KLHL25: variants seen among roughly 807,000 people sequenced by gnomAD.
The protein encoded by KLHL25 is kelch like family member 25, also known as kelch-like protein 25.
In KLHL25, 41 loss-of-function variants were observed where a neutral mutation model predicts 30.0. The observed-to-expected ratio is 1.37, with a 90% confidence interval of 1.07 to 1.78. KLHL25 has a LOEUF of 1.78. Ranked by LOEUF, KLHL25 falls within the 40% of genes most tolerant of loss-of-function variation. The probability of loss-of-function intolerance (pLI) is 0.00; values close to 1 mark genes in which losing one functional copy is unlikely to be tolerated. For synonymous variants in KLHL25, 399 were observed against 355.3 expected, an observed-to-expected ratio of 1.12 and a Z score of -1.38; for missense variants, 971 against 824.5, an observed-to-expected ratio of 1.18 and a Z score of -2.18.
At chr15:85,788,671 C>G (rs531810284) in intron 1 of KLHL25, among the ~76,000 whole-genome samples, 1 of 152,208 alleles carries the variant, frequency 6.6e-6, no homozygotes, top group Non-Finnish European at 1.5e-5. Flanking sequence ...CCACATCAGA[C>G]GCTGAGCTCC....
At chr15:85,784,004 T>C (rs944032928) in intron 1 of KLHL25, among the ~76,000 whole-genome samples, 2 of 152,116 alleles carry the variant, frequency 1.3e-5, no homozygotes, top group African/African-American at 4.8e-5. Context: ...ACGTAAAGAG[T>C]GTAGCATGGT....
In KLHL25 at chr15:85,768,836, G is replaced by A. The variant is rs754809991; in HGVS notation, c.975C>T (p.Asp325=). 2 of 1,613,392 alleles carry A rather than the reference G, an allele frequency of 1.2e-6. No individual in the cohort carries two copies. The highest frequency in any genetic ancestry group is 1.7e-5 in the Admixed American group (1 of 60,038). Residue 325 remains aspartate, a synonymous_variant, in exon 2 of 3, where the codon GAC becomes GAT. Coordinates refer to ENST00000337975, the MANE Select transcript of KLHL25 (RefSeq NM_022480.4). ...HKAKEIIPKA[D]LPSPRKEFSA... ...TGAACTCCTTCCGGGGGCTGGGCAG[G>A]TCGGCCTTGGGGATGATCTCCTTGG...
intron 1 of KLHL25, among the ~76,000 whole-genome samples, chr15:85,790,826 AAG>A (rs1487490605): frequency 6.6e-6 from 1 of 152,154 alleles, no homozygotes; most frequent in African/African-American, 2.4e-5. Context: ...TATGACCAGG[AAG>A]ATTTTTATGT....
chr15:85,784,882 A>G (rs762176557), intron 1 of KLHL25, among the ~76,000 whole-genome samples: 9 of 152,194 alleles, frequency 5.9e-5, no homozygotes, highest in Non-Finnish European at 1.2e-4. Flanking sequence ...GCATTAATCA[A>G]TAGGAACTGA....
At chr15:85,781,708 TC>T (rs1454923455) in intron 1 of KLHL25, among the ~76,000 whole-genome samples, 1 of 152,172 alleles carries the variant, frequency 6.6e-6, no homozygotes, top group Non-Finnish European at 1.5e-5. Context: ...GGTCCTGAAC[TC>T]CTAATCTCCA....
rs1169834757 is a variant in KLHL25, at chr15:85,760,829, C to G, written c.*207G>C. ...ACAAACCACTGCAAAGCTGAAGAGG[C>G]CCCCAGGGGCACGGATGCAAGAGAT... On this transcript the variant is annotated 3_prime_UTR_variant, in exon 3 of 3. Transcript: ENST00000337975. 1 of 152,524 alleles carries G rather than the reference C, an allele frequency of 6.6e-6. No homozygotes were observed. The highest frequency in any genetic ancestry group is 1.5e-5 in the Non-Finnish European group (1 of 68,142). 9.4% of individuals were successfully genotyped at this position (152,524 alleles called of 1,614,324 possible). A position where few individuals can be genotyped will look rare whatever the true frequency, so the allele number is the denominator to read the frequency against.
At chr15:85,792,039 G>C (rs1300175790) in intron 1 of KLHL25, among the ~76,000 whole-genome samples, 1 of 152,220 alleles carries the variant, frequency 6.6e-6, no homozygotes, top group Non-Finnish European at 1.5e-5. Context: ...CCTGGAGGCA[G>C]TATGGGATGA....
At chr15:85,765,423 T>G (rs2542602) in intron 2 of KLHL25, among the ~76,000 whole-genome samples, 59,650 of 151,524 alleles carry the variant, frequency 0.39, 12,529 homozygotes, top group East Asian at 0.76. Flanking sequence ...GTCTGGAGTT[T>G]GAGACCAGCC....
chr15:85,790,279 G>A (rs933851620), intron 1 of KLHL25, among the ~76,000 whole-genome samples: 3 of 152,144 alleles, frequency 2.0e-5, no homozygotes, highest in Non-Finnish European at 4.4e-5. Flanking sequence ...GTAAACAAGC[G>A]GTTTCTCCAT....
chr15:85,791,558 C>T (rs2089816979), intron 1 of KLHL25, among the ~76,000 whole-genome samples: 1 of 151,230 alleles, frequency 6.6e-6, no homozygotes, highest in Admixed American at 6.6e-5. Context: ...GGTGCTGGGA[C>T]AGGGCTTGGA....
intron 1 of KLHL25, among the ~76,000 whole-genome samples, chr15:85,782,971 C>G (rs1340338945): frequency 6.6e-6 from 1 of 152,192 alleles, no homozygotes; most frequent in African/African-American, 2.4e-5. Context: ...GGATTAGCCA[C>G]AATACCCACG....
intron 1 of KLHL25, among the ~76,000 whole-genome samples, chr15:85,773,832 T>C (rs895404198): frequency 2.0e-5 from 3 of 152,114 alleles, no homozygotes; most frequent in African/African-American, 7.2e-5. Context: ...TGGAGCCCTG[T>C]GGTCCTCTGG....
At chr15:85,783,992 A>G (rs1008880627) in intron 1 of KLHL25, among the ~76,000 whole-genome samples, 2 of 152,252 alleles carry the variant, frequency 1.3e-5, no homozygotes, top group Non-Finnish European at 2.9e-5. Flanking sequence ...AAGAGAGAAT[A>G]CACGTAAAGA....
At position 85,769,178 on chromosome 15, in the gene KLHL25, G is replaced by A. The variant is rs372965285; in HGVS notation, c.633C>T (p.Phe211=). The change falls in exon 2 of 3, where the codon TTC becomes TTT. Residue 211 remains phenylalanine, a synonymous_variant. Transcript: ENST00000337975. ...ELETEDERVV[F]EAILQWVKHD... ...GCTTCACCCACTGGAGGATGGCCTCGAAGACCACCCGCTCGTCCTCGGTCT... is the reference window on the plus strand; with the variant it reads ...GCTTCACCCACTGGAGGATGGCCTCAAAGACCACCCGCTCGTCCTCGGTCT... 303 of 1,613,452 alleles carry A rather than the reference G, an allele frequency of 1.9e-4. 1 individual carries two copies. Among genetic ancestry groups the A allele is most frequent in the Non-Finnish European group, 2.2e-4 (264 of 1,179,932 alleles).
At chr15:85,787,385 G>A (rs114817542) in intron 1 of KLHL25, among the ~76,000 whole-genome samples, 1,583 of 152,166 alleles carry the variant, frequency 0.01, 33 homozygotes, top group African/African-American at 0.034. Flanking sequence ...GGCAGAGGTT[G>A]CTGTAACCTG....
chr15:85,780,707 G>C (rs1430999744), intron 1 of KLHL25, among the ~76,000 whole-genome samples: 1 of 152,206 alleles, frequency 6.6e-6, no homozygotes, highest in African/African-American at 2.4e-5. Context: ...ATCAGAATGA[G>C]AATGCCTCTC....
chr15:85,767,612 G>C (rs1432724104), intron 2 of KLHL25, among the ~76,000 whole-genome samples: 1 of 152,200 alleles, frequency 6.6e-6, no homozygotes, highest in Admixed American at 6.5e-5. Flanking sequence ...TGGCAAAATT[G>C]ACCGAGGGTG....
intron 1 of KLHL25, among the ~76,000 whole-genome samples, chr15:85,793,306 C>T (rs560630294): frequency 5.5e-4 from 84 of 152,284 alleles, no homozygotes; most frequent in Non-Finnish European, 8.8e-4. Flanking sequence ...AGGTGTCTTC[C>T]ATTTCTACCT....
intron 1 of KLHL25, among the ~76,000 whole-genome samples, chr15:85,779,579 A>G (rs1301251957): frequency 6.6e-6 from 1 of 152,254 alleles, no homozygotes; most frequent in East Asian, 1.9e-4. Context: ...ACTATGGCTT[A>G]TTATTTTCAG....
Sources: allele counts gnomAD v4.1 joint callset (sites outside exome capture counted in the v4.1 genomes callset), GRCh38; gene constraint gnomAD v4.1.1; transcripts MANE v1.5; gene names NCBI Gene and HGNC (gene_info 2026-07-23, HGNC 2026-07-21).